The following PAH variants were observed in gnomAD, a reference collection of about 807,000 sequenced individuals.
The protein encoded by PAH is phenylalanine hydroxylase.
A neutral mutation model predicts 62.0 loss-of-function variants in PAH; 64 were observed. The ratio of observed to expected loss-of-function variants is 1.03; its 90% confidence interval spans 0.84 to 1.27. PAH has a LOEUF of 1.27. PAH is among the 50% of genes most tolerant of loss of function. The pLI is 0.00. For synonymous variants in PAH, 195 were observed against 196.2 expected, an observed-to-expected ratio of 0.99 and a Z score of 0.05; for missense variants, 579 against 542.8, an observed-to-expected ratio of 1.07 and a Z score of -0.66.
chr12:102,907,749 G>T (rs557011592), intron 2 of PAH, among the ~76,000 whole-genome samples: 3 of 152,022 alleles, frequency 2.0e-5, no homozygotes, highest in Non-Finnish European at 4.4e-5. Context: ...CACCTTAGTA[G>T]CTGGGATTAC....
At chr12:102,876,395 G>C (rs192246083) in intron 4 of PAH, among the ~76,000 whole-genome samples, 2 of 152,116 alleles carry the variant, frequency 1.3e-5, no homozygotes, top group Non-Finnish European at 2.9e-5. Flanking sequence ...GTTTAGCACC[G>C]GGCCTTAGAA....
intron 5 of PAH, 79 bp from the exon 6 acceptor site, chr12:102,855,411 C>A: frequency 8.8e-7 from 1 of 1,131,172 alleles, no homozygotes; most frequent in South Asian, 1.3e-5. Context: ...CAGAGGGAGT[C>A]GGGGACCAGA....
intron 8 of PAH, 82 bp from the exon 9 acceptor site, chr12:102,847,033 T>G (rs2136639810): frequency 1.7e-6 from 2 of 1,153,364 alleles, no homozygotes; most frequent in East Asian, 2.3e-5. Flanking sequence ...CATAAAAAGG[T>G]GATGGGTGGC....
intron 1 of PAH, among the ~76,000 whole-genome samples, chr12:102,933,983 T>G (rs1879008723): frequency 6.6e-6 from 1 of 152,134 alleles, no homozygotes; most frequent in Admixed American, 6.5e-5. Context: ...TTTGGTTGAC[T>G]GTGCTTGTGA....
At chr12:102,888,894 C>T (rs1877150317) in intron 3 of PAH, among the ~76,000 whole-genome samples, 2 of 152,058 alleles carry the variant, frequency 1.3e-5, no homozygotes, top group Admixed American at 1.3e-4. Context: ...CCACATACAT[C>T]TACAGCTGTG....
upstream of PAH, among the ~76,000 whole-genome samples, chr12:102,919,737 A>C (rs1159268231): frequency 6.6e-6 from 1 of 152,158 alleles, no homozygotes; most frequent in African/African-American, 2.4e-5. Flanking sequence ...ATTTGACATA[A>C]TGACCTCCAG....
At chr12:102,922,906 A>G (rs984101918) in intron 1 of PAH, among the ~76,000 whole-genome samples, 1 of 152,214 alleles carries the variant, frequency 6.6e-6, no homozygotes, top group Non-Finnish European at 1.5e-5. Flanking sequence ...ATTACACAGA[A>G]AAAAAACCAG....
At chr12:102,843,622 G>A in intron 11 of PAH, 24 bp downstream of exon 11, 1 of 1,612,958 alleles carries the variant, frequency 6.2e-7, no homozygotes, top group Non-Finnish European at 8.5e-7. Flanking sequence ...CAGAGCTAGT[G>A]GCTCACCTTT....
intron 3 of PAH, among the ~76,000 whole-genome samples, chr12:102,884,699 G>T (rs574705048): frequency 1.3e-5 from 2 of 152,206 alleles, no homozygotes; most frequent in South Asian, 4.2e-4. Flanking sequence ...CTAAGATAGT[G>T]GTCCCAGAGG....
At chr12:102,929,943 AATCATTGAGAAGAT>A (rs1421475197) in intron 1 of PAH, among the ~76,000 whole-genome samples, 1 of 152,172 alleles carries the variant, frequency 6.6e-6, no homozygotes, top group Non-Finnish European at 1.5e-5. Flanking sequence ...TCTTCAGTCT[AATCATTGAGAAGAT>A]ATCTCTGGAA....
chr12:102,845,095 G>T (rs565321500), intron 9 of PAH, among the ~76,000 whole-genome samples: 9 of 152,264 alleles, frequency 5.9e-5, no homozygotes, highest in African/African-American at 2.2e-4. Context: ...CTGCCCCAGT[G>T]CCATGGACAG....
rs1459100130 is a variant in PAH, at chr12:102,957,328, T to A, written c.-96+867A>T. ...TTCCTAGAGCCATTTGTCCCTCCTG[T>A]GACGCCCCCCACCCCCTTCCTAAAG... On this transcript the variant is annotated intron_variant, in intron 1 of 4. Coordinates refer to the PAH transcript ENST00000551337. The surrounding 1 kb of genome is among the most constrained non-coding windows in gnomAD (Gnocchi z 4.1). 1.3e-5 allele frequency among the ~76,000 whole-genome samples: 2 copies of A among 152,006 alleles called. No homozygotes were observed. The highest frequency in any genetic ancestry group is 2.9e-5 in the Non-Finnish European group (2 of 67,982).
At chr12:102,889,741 T>A (rs745442508) in intron 3 of PAH, among the ~76,000 whole-genome samples, 9 of 152,318 alleles carry the variant, frequency 5.9e-5, no homozygotes, top group Middle Eastern at 3.4e-3. Flanking sequence ...CAAATGGTGA[T>A]GTTCCTAACT....
intron 2 of PAH, among the ~76,000 whole-genome samples, chr12:102,899,641 C>A (rs1445866563): frequency 6.6e-6 from 1 of 151,274 alleles, no homozygotes; most frequent in African/African-American, 2.4e-5. Flanking sequence ...GGGCGGATCA[C>A]GAGGTCAGGA....
At chr12:102,871,949 A>AATATAT (rs1232144620) in intron 4 of PAH, among the ~76,000 whole-genome samples, 13 of 30,308 alleles carry the variant, frequency 4.3e-4, no homozygotes, top group African/African-American at 2.1e-3. Context: ...AAAAAAAAAA[A>AATATAT]ATATATATAT....
upstream of PAH, among the ~76,000 whole-genome samples, chr12:102,919,402 T>C (rs1261959314): frequency 2.6e-5 from 4 of 152,194 alleles, no homozygotes. Flanking sequence ...TCATTGAAAA[T>C]GGGGCATCCA....
upstream of PAH, among the ~76,000 whole-genome samples, chr12:102,954,112 G>A (rs1433459056): frequency 6.6e-6 from 1 of 152,250 alleles, no homozygotes; most frequent in Non-Finnish European, 1.5e-5. Context: ...TGGCAAGGGA[G>A]CCAAGAAAGC....
intron 2 of PAH, among the ~76,000 whole-genome samples, chr12:102,896,891 C>T (rs895218325): frequency 9.2e-5 from 14 of 152,268 alleles, no homozygotes; most frequent in African/African-American, 3.1e-4. Context: ...TAAGATATTT[C>T]CTGCTTTTAC....
intron 1 of PAH, among the ~76,000 whole-genome samples, chr12:102,932,163 G>A (rs1878903412): frequency 6.6e-6 from 1 of 152,056 alleles, no homozygotes; most frequent in Non-Finnish European, 1.5e-5. Flanking sequence ...CAAACCATTT[G>A]TCTGTCATTC....
Sources: gnomAD v4.1 joint callset for allele counts (sites outside exome capture counted in the v4.1 genomes callset) on GRCh38, gnomAD v4.1.1 for gene constraint, Gnocchi (gnomAD v3.1) non-coding constraint, MANE v1.5 for transcripts, NCBI Gene and HGNC (gene_info 2026-07-23, HGNC 2026-07-21) for gene names.